STAB2: variants seen among roughly 807,000 people sequenced by gnomAD.
STAB2 encodes the protein stabilin 2.
A neutral mutation model predicts 338.1 loss-of-function variants in STAB2; 288 were observed. The observed-to-expected ratio is 0.85, with a 90% CI of 0.77 to 0.94. The LOEUF (loss-of-function observed/expected upper bound fraction) is 0.94, where lower values mean the gene tolerates loss of function less well. STAB2 is among the 40% of genes least tolerant of loss of function. The pLI, the probability that STAB2 is intolerant of heterozygous loss-of-function variation, is 0.00. For synonymous variants in STAB2, 1,202 were observed against 1,193.3 expected, an observed-to-expected ratio of 1.01 and a Z score of -0.15; for missense variants, 3,141 against 3,210.1, an observed-to-expected ratio of 0.98 and a Z score of 0.52.
rs79346730 is a variant in STAB2 at position 103,659,327 on chromosome 12, A to G, written c.1735-1004A>G. On this transcript the variant is annotated intron_variant, in intron 15 of 68. Coordinates refer to ENST00000388887, the MANE Select transcript of STAB2 (RefSeq NM_017564.10). Reference sequence around the variant, plus strand: ...AGGTAACTCCCTTGGCACAGTGACCAAGGCCAAATGCAGAGAGGAGGCTGG... The same window carrying G: ...AGGTAACTCCCTTGGCACAGTGACCGAGGCCAAATGCAGAGAGGAGGCTGG... 8.7e-3 allele frequency among the ~76,000 whole-genome samples: 1,328 copies of G among 152,322 alleles called. 20 individuals are homozygous for G. Among genetic ancestry groups the G allele is most frequent in the African/African-American group, 0.031 (1,274 of 41,568 alleles).
chr12:103,712,262 C>T, intron 40 of STAB2, 105 bp from the exon 41 acceptor site: 1 of 875,798 alleles, frequency 1.1e-6, no homozygotes, highest in Non-Finnish European at 2.0e-6. Context: ...ATGAGTGTCT[C>T]ATGGGGGCAG....
chr12:103,743,958 C>T (rs1443232897), intron 56 of STAB2, among the ~76,000 whole-genome samples: 1 of 152,094 alleles, frequency 6.6e-6, no homozygotes, highest in Non-Finnish European at 1.5e-5. Context: ...GGGTTGTGAA[C>T]AGAGGGATGT....
chr12:103,678,021 G>A (rs1876546375), intron 25 of STAB2, among the ~76,000 whole-genome samples: 1 of 152,084 alleles, frequency 6.6e-6, no homozygotes, highest in African/African-American at 2.4e-5. Context: ...CTCCAGGGGA[G>A]GGACTACCAA....
rs372004718 is a variant in STAB2 at position 103,640,123 on chromosome 12, T to C, written c.907T>C (p.Ser303Pro). The change falls in exon 9 of 69, where the codon TCT becomes CCT. Residue 303 changes from serine (S) to proline (P), a missense_variant and splice_region_variant. Physicochemically the swap from Ser to Pro is moderately conservative, Grantham distance 74. Coordinates refer to ENST00000388887, the MANE Select transcript of STAB2 (RefSeq NM_017564.10). ...GTTTTTCTCTTCCTGTCTACTGAAG[T>C]CTCACTGCGAGTGTAAGGAGCATTA... ...TVCKYDGPGQ[S>P]HCECKEHYQN... 1 of 1,610,016 alleles carries C rather than the reference T, an allele frequency of 6.2e-7. No individual in the cohort carries two copies. The highest frequency in any genetic ancestry group is 1.3e-5 in the African/African-American group (1 of 74,836).
At chr12:103,745,342 C>T in intron 57 of STAB2, 65 bp downstream of exon 57, 3 of 1,442,112 alleles carry the variant, frequency 2.1e-6, no homozygotes, top group Non-Finnish European at 2.8e-6. Flanking sequence ...CAAGAGCATA[C>T]AAGTGAGGTT....
chr12:103,667,963 C>A (rs1397955425), intron 19 of STAB2, among the ~76,000 whole-genome samples: 2 of 152,196 alleles, frequency 1.3e-5, no homozygotes, highest in African/African-American at 2.4e-5. Flanking sequence ...AAGACCCATT[C>A]TCTAGACCTT....
At chr12:103,612,684 C>G (rs1223121018) in intron 3 of STAB2, among the ~76,000 whole-genome samples, 1 of 152,226 alleles carries the variant, frequency 6.6e-6, no homozygotes, top group Non-Finnish European at 1.5e-5. Context: ...CTTCTCTCAA[C>G]TCGTCAAAGT....
chr12:103,668,729 G>A lies in STAB2; in HGVS notation c.2172G>A (p.Lys724=). The change falls in exon 20 of 69, where the codon AAG becomes AAA. Residue 724 remains lysine (K), a splice_region_variant and synonymous_variant. Coordinates refer to ENST00000388887, the MANE Select transcript of STAB2 (RefSeq NM_017564.10). ...CCCGGTACTGCAATGCCACTGTGAA[G>A]GTGAGGAGCGCGTGGCCGAGGCCCA... ...GCARYCNATV[K]IPKCCKGFYG... is the part of the protein sequence containing the mutation. 8 of 1,541,926 alleles carry A rather than the reference G, an allele frequency of 5.2e-6. No individual in the cohort carries two copies. The highest frequency in any genetic ancestry group is 7.0e-6 in the Non-Finnish European group (8 of 1,140,286).
At chr12:103,680,915 A>G (rs1446065025) in intron 25 of STAB2, among the ~76,000 whole-genome samples, 1 of 152,162 alleles carries the variant, frequency 6.6e-6, no homozygotes, top group African/African-American at 2.4e-5. Flanking sequence ...GCCTACACCC[A>G]CTCAGCCACT....
At chr12:103,707,054 A>G in intron 38 of STAB2, 67 bp downstream of exon 38, 1 of 1,562,136 alleles carries the variant, frequency 6.4e-7, no homozygotes, top group East Asian at 2.3e-5. Flanking sequence ...GCAGGGAAAG[A>G]GTGATCCCAC....
At chr12:103,624,460 G>A (rs1957350304) in intron 5 of STAB2, among the ~76,000 whole-genome samples, 1 of 152,168 alleles carries the variant, frequency 6.6e-6, no homozygotes, top group African/African-American at 2.4e-5. Context: ...AGTTTATGAA[G>A]CATGCTATCT....
intron 64 of STAB2, among the ~76,000 whole-genome samples, chr12:103,758,894 T>G (rs991842183): frequency 3.3e-5 from 5 of 152,166 alleles, no homozygotes; most frequent in Admixed American, 2.0e-4. Flanking sequence ...AAGACACCGC[T>G]GGAAAGCTCT....
intron 31 of STAB2, among the ~76,000 whole-genome samples, chr12:103,694,236 G>A (rs56095195): frequency 0.048 from 7,373 of 152,250 alleles, 228 homozygotes; most frequent in Non-Finnish European, 0.071. Flanking sequence ...AGAGAAAGGA[G>A]TGTCTTTTTC....
rs1956724821 is a variant in STAB2, at chr12:103,587,315, G to T, written c.-162G>T. ...TGCCATTTTTCCTTTCTGAAGGCAGGTCTCACCTATCTCCTGGTTCGATCT... is the reference window on the plus strand; with the variant it reads ...TGCCATTTTTCCTTTCTGAAGGCAGTTCTCACCTATCTCCTGGTTCGATCT... On this transcript the variant is annotated 5_prime_UTR_variant, in exon 1 of 69. Coordinates refer to ENST00000388887, the MANE Select transcript of STAB2 (RefSeq NM_017564.10). 2 of 636,528 alleles carry T rather than the reference G, an allele frequency of 3.1e-6. No individual in the cohort carries two copies. The highest frequency in any genetic ancestry group is 2.7e-6 in the Non-Finnish European group (1 of 370,550). 39.4% of individuals were successfully genotyped at this position (636,528 alleles called of 1,614,324 possible). A position where few individuals can be genotyped will look rare whatever the true frequency, so the allele number is the denominator to read the frequency against.
chr12:103,766,308 A>G lies in STAB2; in HGVS notation c.7628A>G (p.Glu2543Gly). ...CAGGACTCTGAAGAACGGCAGCTTG[A>G]GGGCAATGACCCCTTGAGGACACTG... ...PFTDSEERQL[E>G]GNDPLRTL Residue 2543 changes from glutamate (E) to glycine (G), a missense_variant, in exon 69 of 69, where the codon GAG becomes GGG. Glu to Gly is a moderately conservative substitution (Grantham distance 98). Transcript: ENST00000388887. The G allele has an allele frequency of 6.2e-7, 1 of 1,614,034 alleles. No homozygotes were observed. The highest frequency in any genetic ancestry group is 8.5e-7 in the Non-Finnish European group (1 of 1,179,942).
chr12:103,666,550 T>G (rs546323095), intron 19 of STAB2, among the ~76,000 whole-genome samples, 197 bp downstream of exon 19: 1 of 152,366 alleles, frequency 6.6e-6, no homozygotes, highest in South Asian at 2.1e-4. Flanking sequence ...TCATTGACCC[T>G]AGAGAAGTCG....
At position 103,726,163 on chromosome 12, in the gene STAB2, G is replaced by C; in HGVS notation, c.4851G>C (p.Gln1617His). Reference protein sequence around the residue: ...PKTSQYFFQLQEHFVKDLVGP... With the variant: ...PKTSQYFFQLHEHFVKDLVGP... Reference sequence around the variant, plus strand: ...CTTCCCAGTATTTCTTCCAGTTGCAGGTAGGAAATATACATGTCTGTCTAG... The same window carrying C: ...CTTCCCAGTATTTCTTCCAGTTGCACGTAGGAAATATACATGTCTGTCTAG... The change falls in exon 46 of 69, where the codon CAG (glutamine) becomes CAC (histidine). Residue 1617 changes from glutamine (Q) to histidine (H), a missense_variant and splice_region_variant. Transcript: ENST00000388887. 1 of 1,613,922 alleles carries C rather than the reference G, an allele frequency of 6.2e-7. No individual in the cohort carries two copies. Among genetic ancestry groups the C allele is most frequent in the Non-Finnish European group, 8.5e-7 (1 of 1,179,846 alleles).
intron 20 of STAB2, chr12:103,669,296 T>C: frequency 2.3e-6 from 1 of 438,966 alleles, no homozygotes; most frequent in Non-Finnish European, 4.1e-6. Context: ...TCCACAAGCA[T>C]GAGCCTTCCT....
chr12:103,704,649 C>A, intron 36 of STAB2, 35 bp downstream of exon 36: 1 of 1,596,322 alleles, frequency 6.3e-7, no homozygotes, highest in South Asian at 1.1e-5. Context: ...AAATAGTTTC[C>A]AGATCCGAGG....
Sources: allele counts gnomAD v4.1 joint callset (sites outside exome capture counted in the v4.1 genomes callset), GRCh38; gene constraint gnomAD v4.1.1; transcripts MANE v1.5; gene names NCBI Gene and HGNC (gene_info 2026-07-23, HGNC 2026-07-21).